Variants in IGSF11 observed in about 807,000 individuals in gnomAD.
IGSF11 encodes the protein CXADR like 1.
A neutral mutation model predicts 41.0 loss-of-function variants in IGSF11; 22 were observed. The ratio of observed to expected loss-of-function variants is 0.54; its 90% CI spans 0.38 to 0.77. The LOEUF (loss-of-function observed/expected upper bound fraction) is 0.77, where lower values mean the gene tolerates loss of function less well. Ranked by LOEUF, IGSF11 falls within the 30% of genes least tolerant of loss-of-function variation. IGSF11 has a pLI of 0.00. For missense variants in IGSF11, 444 were observed against 530.8 expected (o/e 0.84, Z 1.61); for synonymous variants, 219 against 201.3 (o/e 1.09, Z -0.74).
At chr3:119,123,091 C>A (rs35726529) in intron 1 of IGSF11, among the ~76,000 whole-genome samples, 1 of 152,036 alleles carries the variant, frequency 6.6e-6, no homozygotes, top group African/African-American at 2.4e-5. Flanking sequence ...ATTTCTAAAC[C>A]CATGCTGGGC....
chr3:119,145,202 A>G (rs781732246), intron 1 of IGSF11, among the ~76,000 whole-genome samples: 8 of 152,206 alleles, frequency 5.3e-5, no homozygotes, highest in Non-Finnish European at 1.0e-4. Context: ...TAATTGTTTA[A>G]TGCAGTTAAA....
rs1308075438 is a variant in IGSF11, at chr3:119,065,063, G to C, written c.49+40081C>G. Among the ~76,000 whole-genome samples the C allele has an allele frequency of 2.0e-5, 3 of 152,020 alleles. No individual in the cohort carries two copies. The East Asian group carries it at 5.8e-4, about 29-fold the overall frequency. On this transcript the variant is annotated intron_variant, in intron 1 of 6. Coordinates refer to the IGSF11 transcript ENST00000354673. ...ATATTTAATGTAAGTGTTGGTAGCTGGCCTCTTTGACTCATACCCAATTTC... is the reference window on the plus strand; with the variant it reads ...ATATTTAATGTAAGTGTTGGTAGCTCGCCTCTTTGACTCATACCCAATTTC...
chr3:119,109,816 C>T (rs745992821), upstream of IGSF11, among the ~76,000 whole-genome samples: 7 of 152,290 alleles, frequency 4.6e-5, 1 homozygote, highest in Admixed American at 2.6e-4. Flanking sequence ...TTTCAAAGAA[C>T]ATCTTTATTT....
At chr3:119,034,504 C>G in intron 1 of IGSF11, 27 bp downstream of exon 1, 1 of 1,541,046 alleles carries the variant, frequency 6.5e-7, no homozygotes. Flanking sequence ...CTGGCCCCAC[C>G]GGGAAGAAAG....
At chr3:119,032,561 T>A (rs1221399179) in intron 1 of IGSF11, among the ~76,000 whole-genome samples, 1 of 152,200 alleles carries the variant, frequency 6.6e-6, no homozygotes, top group African/African-American at 2.4e-5. Flanking sequence ...TGCACACATC[T>A]CCTGCTCTAG....
At chr3:119,093,373 T>C (rs760795805) in intron 1 of IGSF11, among the ~76,000 whole-genome samples, 5 of 151,578 alleles carry the variant, frequency 3.3e-5, no homozygotes, top group Non-Finnish European at 7.4e-5. Context: ...AAGAAGCTGC[T>C]GGCCATTTAC....
chr3:118,945,538 G>A (rs1382006562), intron 1 of IGSF11, among the ~76,000 whole-genome samples: 1 of 152,140 alleles, frequency 6.6e-6, no homozygotes, highest in Non-Finnish European at 1.5e-5. Flanking sequence ...GGTAGGAAAT[G>A]AAAAGATAAG....
chr3:119,080,146 A>AG (rs2076564896), intron 1 of IGSF11, among the ~76,000 whole-genome samples: 1 of 152,200 alleles, frequency 6.6e-6, no homozygotes, highest in South Asian at 2.1e-4. Context: ...ATTTTTCTTA[A>AG]ATCATATTTA....
intron 1 of IGSF11, among the ~76,000 whole-genome samples, chr3:119,111,778 G>C (rs2077166631): frequency 6.6e-6 from 1 of 151,770 alleles, no homozygotes; most frequent in Non-Finnish European, 1.5e-5. Context: ...TGGTGTGGAT[G>C]TTCTTTCTGT....
At chr3:119,028,899 C>CA in intron 1 of IGSF11, among the ~76,000 whole-genome samples, 1 of 151,986 alleles carries the variant, frequency 6.6e-6, no homozygotes, top group East Asian at 1.9e-4. Flanking sequence ...GTACCAACAC[C>CA]AATTTCCTGG....
At chr3:118,914,220 A>C (rs1940745928) in intron 4 of IGSF11, among the ~76,000 whole-genome samples, 2 of 152,234 alleles carry the variant, frequency 1.3e-5, no homozygotes, top group Admixed American at 1.3e-4. Flanking sequence ...GGCATAAAGA[A>C]AAAAGCTTAA....
intron 1 of IGSF11, among the ~76,000 whole-genome samples, chr3:119,076,732 GA>G (rs1220640890): frequency 2.0e-5 from 3 of 152,076 alleles, no homozygotes; most frequent in Non-Finnish European, 4.4e-5. Flanking sequence ...ACACCAGTTA[GA>G]ATGGCGATCA....
At chr3:118,963,844 T>G (rs921531655) in intron 1 of IGSF11, among the ~76,000 whole-genome samples, 1 of 152,174 alleles carries the variant, frequency 6.6e-6, no homozygotes, top group Non-Finnish European at 1.5e-5. Context: ...TATTCTCTAA[T>G]TGACATTGAC....
chr3:118,943,914 A>C (rs1943907680), intron 1 of IGSF11, among the ~76,000 whole-genome samples: 1 of 152,254 alleles, frequency 6.6e-6, no homozygotes, highest in Non-Finnish European at 1.5e-5. Context: ...TTCATATGAC[A>C]AAAGTGGCTA....
intron 1 of IGSF11, among the ~76,000 whole-genome samples, chr3:119,058,431 C>T (rs1056372723): frequency 4.6e-5 from 7 of 152,144 alleles, no homozygotes; most frequent in Admixed American, 6.5e-5. Context: ...GAGATACCAT[C>T]TCACACCAGT....
intron 1 of IGSF11, among the ~76,000 whole-genome samples, chr3:118,975,511 GTC>G (rs1559986301): frequency 6.6e-6 from 1 of 152,066 alleles, no homozygotes; most frequent in Non-Finnish European, 1.5e-5. Context: ...GAGCCTAAAA[GTC>G]TCTATCCAAA....
intron 1 of IGSF11, among the ~76,000 whole-genome samples, chr3:118,935,474 A>G (rs1028369595): frequency 6.7e-6 from 1 of 150,106 alleles, no homozygotes; most frequent in African/African-American, 2.5e-5. Context: ...CAGATGCCAA[A>G]AGAGACTTTT....
chr3:118,912,451 C>G (rs995514298), intron 4 of IGSF11, among the ~76,000 whole-genome samples: 1 of 152,120 alleles, frequency 6.6e-6, no homozygotes, highest in Admixed American at 6.6e-5. Flanking sequence ...GGACAAATCC[C>G]GTGTTGCCTC....
intron 1 of IGSF11, among the ~76,000 whole-genome samples, chr3:119,065,640 A>T (rs918362640): frequency 3.3e-5 from 5 of 152,082 alleles, no homozygotes; most frequent in African/African-American, 1.2e-4. Context: ...TAAAAATACA[A>T]AAATTAGATG....
Sources: gnomAD v4.1 joint callset for allele counts (sites outside exome capture counted in the v4.1 genomes callset) on GRCh38, gnomAD v4.1.1 for gene constraint, MANE v1.5 for transcripts, NCBI Gene and HGNC (gene_info 2026-07-23, HGNC 2026-07-21) for gene names.